The following CDK19 variants were observed in gnomAD, a reference collection of about 807,000 sequenced individuals.
CDK19 encodes cyclin dependent kinase 19.
Under a neutral mutation model 68.3 loss-of-function variants are expected in CDK19, and 20 were observed. That is an observed-to-expected ratio of 0.29 (90% CI 0.21 to 0.43). The LOEUF is 0.43. Ranked by LOEUF, CDK19 falls within the 20% of genes least tolerant of loss-of-function variation. CDK19 has a pLI of 1.00. For synonymous variants in CDK19, 221 were observed against 222.8 expected (o/e 0.99, Z 0.07); for missense variants, 339 against 623.5 (o/e 0.54, Z 4.86).
chr6:110,658,807 C>T (rs1196334169), intron 4 of CDK19, among the ~76,000 whole-genome samples: 1 of 151,958 alleles, frequency 6.6e-6, no homozygotes, highest in African/African-American at 2.4e-5. Context: ...GACAGGCATT[C>T]TGGGGGGAAA....
intron 1 of CDK19, among the ~76,000 whole-genome samples, chr6:110,758,210 A>C (rs549347663): frequency 6.6e-6 from 1 of 152,246 alleles, no homozygotes; most frequent in South Asian, 2.1e-4. Flanking sequence ...CGCAACAAAA[A>C]GGAGTTAAAA....
At chr6:110,802,543 A>G (rs543272550) in intron 1 of CDK19, among the ~76,000 whole-genome samples, 64 of 152,336 alleles carry the variant, frequency 4.2e-4, no homozygotes, top group African/African-American at 1.4e-3. Flanking sequence ...AAAACAGAGG[A>G]AAAAGGGTTG....
chr6:110,777,501 G>C (rs954925708), intron 1 of CDK19, among the ~76,000 whole-genome samples: 8 of 152,160 alleles, frequency 5.3e-5, no homozygotes, highest in African/African-American at 1.9e-4. Context: ...AGAAGGGTTG[G>C]TGAGGACGTA....
At chr6:110,618,373 T>C (rs1778481252) in intron 12 of CDK19, among the ~76,000 whole-genome samples, 1 of 152,202 alleles carries the variant, frequency 6.6e-6, no homozygotes, top group African/African-American at 2.4e-5. Context: ...CCTCAGGTGA[T>C]CCACCCGCCT....
intron 4 of CDK19, among the ~76,000 whole-genome samples, chr6:110,659,184 A>G (rs1456160597): frequency 6.6e-6 from 1 of 152,244 alleles, no homozygotes; most frequent in Non-Finnish European, 1.5e-5. Context: ...CCTATTTAGC[A>G]GAGACAAAAT....
chr6:110,618,266 G>T (rs1464926468), intron 12 of CDK19, among the ~76,000 whole-genome samples: 1 of 152,070 alleles, frequency 6.6e-6, no homozygotes, highest in Non-Finnish European at 1.5e-5. Flanking sequence ...CCAAGTAGTT[G>T]GGATTACAGG....
intron 2 of CDK19, among the ~76,000 whole-genome samples, chr6:110,683,829 G>A (rs951877508): frequency 6.7e-6 from 1 of 150,350 alleles, no homozygotes; most frequent in Non-Finnish European, 1.5e-5. Flanking sequence ...AGCCTCCCGA[G>A]TAGCTGGGAT....
rs1477179861 is a variant in CDK19, at chr6:110,621,794, C to A, written c.1110+294G>T. 6.6e-6 allele frequency among the ~76,000 whole-genome samples: 1 copy of A among 152,106 alleles called. No individual in the cohort carries two copies. The highest frequency in any genetic ancestry group is 6.5e-5 in the Admixed American group (1 of 15,274). On this transcript the variant is annotated intron_variant, in intron 11 of 12. Transcript: ENST00000368911. This position sits in a 1 kb window ranked among gnomAD's most constrained non-coding sequence, Gnocchi z 5.4. The stretch of plus-strand genomic sequence containing the variant: ...ACAGAGTGATGCTAGCAAAAGCCAG[C>A]CTGCATAAAGGGGTGGTAGTGACAC...
intron 2 of CDK19, among the ~76,000 whole-genome samples, chr6:110,705,195 C>T (rs892507711): frequency 6.6e-6 from 1 of 152,226 alleles, no homozygotes. Flanking sequence ...CATGCGCCAC[C>T]ACGCCCGGCT....
intron 1 of CDK19, among the ~76,000 whole-genome samples, chr6:110,758,225 A>T (rs1778962687): frequency 6.6e-6 from 1 of 152,264 alleles, no homozygotes; most frequent in South Asian, 2.1e-4. Flanking sequence ...TTAAAAAGAA[A>T]AACAATGAAA....
At position 110,760,325 on chromosome 6, in the gene CDK19, A is replaced by G. The variant is rs561085641; in HGVS notation, c.129-14124T>C. 2.3e-5 allele frequency among the ~76,000 whole-genome samples: 3 copies of G among 129,512 alleles called. No individual in the cohort carries two copies. The Admixed American group carries it at 2.9e-4, about 12-fold the overall frequency. The allele number at this position is 129,512 out of a possible 152,430, so 85.0% of individuals were successfully genotyped here. A position where few individuals can be genotyped will look rare whatever the true frequency, so the allele number is the denominator to read the frequency against. On this transcript the variant is annotated intron_variant, in intron 1 of 12. Transcript: ENST00000368911. ...GGCACAAGAATCACTTGAACTTGAG[A>G]GGTGGAGTTTGCAGAGAGCCAAGAT...
At chr6:110,635,613 C>G (rs986705539) in intron 5 of CDK19, among the ~76,000 whole-genome samples, 1 of 152,194 alleles carries the variant, frequency 6.6e-6, no homozygotes, top group South Asian at 2.1e-4. Flanking sequence ...GATCTCGGCT[C>G]ACTGCAACCT....
At chr6:110,682,595 T>C (rs1772112275) in intron 2 of CDK19, among the ~76,000 whole-genome samples, 1 of 152,190 alleles carries the variant, frequency 6.6e-6, no homozygotes, top group Admixed American at 6.5e-5. Flanking sequence ...GCCCTAAATC[T>C]TCTGCTTCAT....
intron 2 of CDK19, chr6:110,700,825 C>A: frequency 5.2e-6 from 1 of 192,096 alleles, no homozygotes; most frequent in East Asian, 1.2e-4. Context: ...ACAGTCCTTC[C>A]AAGATTGTCA....
intron 2 of CDK19, among the ~76,000 whole-genome samples, chr6:110,742,057 C>T (rs1777717477): frequency 6.6e-6 from 1 of 152,182 alleles, no homozygotes; most frequent in African/African-American, 2.4e-5. Flanking sequence ...TTGTCTGTAA[C>T]TCTTTTCTTC....
intron 1 of CDK19, among the ~76,000 whole-genome samples, chr6:110,768,723 G>T (rs1218328180): frequency 6.6e-6 from 1 of 152,174 alleles, no homozygotes; most frequent in African/African-American, 2.4e-5. Context: ...CTTGCAGGGA[G>T]GGAACCAGGG....
At chr6:110,667,681 A>G in intron 3 of CDK19, 107 bp from the exon 4 acceptor site, 1 of 530,764 alleles carries the variant, frequency 1.9e-6, no homozygotes, top group Non-Finnish European at 3.1e-6. Context: ...TTACTTATTA[A>G]AGGCCAATAA....
At chr6:110,647,386 G>A (rs750874296) in intron 4 of CDK19, among the ~76,000 whole-genome samples, 2 of 151,912 alleles carry the variant, frequency 1.3e-5, no homozygotes, top group African/African-American at 4.8e-5. Context: ...AGTTGTGAAG[G>A]GGGGTGGGGG....
chr6:110,812,812 T>TAAAAAAAAAAAAAA (rs66478846), intron 1 of CDK19, among the ~76,000 whole-genome samples: 6 of 101,592 alleles, frequency 5.9e-5, no homozygotes, highest in Non-Finnish European at 1.1e-4. Context: ...TTTAAAACAG[T>TAAAAAAAAAAAAAA]AAAAAAAAAA....
Sources: gnomAD v4.1 joint callset for allele counts (sites outside exome capture counted in the v4.1 genomes callset) on GRCh38, gnomAD v4.1.1 for gene constraint, Gnocchi (gnomAD v3.1) non-coding constraint, MANE v1.5 for transcripts, NCBI Gene and HGNC (gene_info 2026-07-23, HGNC 2026-07-21) for gene names.